The following ARHGEF10 variants were observed in gnomAD, a reference collection of about 807,000 sequenced individuals.
ARHGEF10 encodes Rho guanine nucleotide exchange factor 10, also known as Rho guanine nucleotide exchange factor (GEF) 10.
In ARHGEF10, 140 loss-of-function variants were observed where a neutral mutation model predicts 147.4. The observed-to-expected ratio is 0.95, with a 90% CI of 0.83 to 1.09. ARHGEF10 has a LOEUF of 1.09. ARHGEF10 is among the 50% of genes least tolerant of loss of function. The probability of loss-of-function intolerance (pLI) is 0.00; values close to 1 mark genes in which losing one functional copy is unlikely to be tolerated. For synonymous variants in ARHGEF10, 902 were observed against 695.8 expected (o/e 1.30, Z -4.67); for missense variants, 2,222 against 1,752.7 (o/e 1.27, Z -4.78).
In ARHGEF10 at chr8:1,956,756, C is replaced by T. The variant is rs1815599024; in HGVS notation, c.3528C>T (p.Gly1176=). Reference sequence around the variant, plus strand: ...AACTGTTTCCCTTTTCAGGAAGAGGCATGGTCTCCTACCATGCACACAACA... The same window carrying T: ...AACTGTTTCCCTTTTCAGGAAGAGGTATGGTCTCCTACCATGCACACAACA... The part of the protein sequence containing the change: ...LQGIPKVTGR[G]MVSYHAHNSP... Residue 1176 remains glycine, a synonymous_variant, in exon 29 of 29, where the codon GGC becomes GGT. Coordinates refer to ENST00000349830, the MANE Select transcript of ARHGEF10 (RefSeq NM_014629.4). 3 of 1,613,878 alleles carry T rather than the reference C, an allele frequency of 1.9e-6. No homozygotes were observed. Among genetic ancestry groups the T allele is most frequent in the Non-Finnish European group, 2.5e-6 (3 of 1,179,974 alleles).
chr8:1,868,509 G>A (rs888894434), intron 6 of ARHGEF10, among the ~76,000 whole-genome samples: 2 of 152,232 alleles, frequency 1.3e-5, no homozygotes, highest in African/African-American at 4.8e-5. Flanking sequence ...TTGGTGTCCT[G>A]TGTGGTCATC....
intron 2 of ARHGEF10, 64 bp downstream of exon 2, chr8:1,843,500 G>C: frequency 3.2e-6 from 4 of 1,256,252 alleles, no homozygotes; most frequent in Non-Finnish European, 4.6e-6. Flanking sequence ...CAAGGACGGG[G>C]TACTTCTGGA....
chr8:1,869,070 A>AG, intron 6 of ARHGEF10, 124 bp from the exon 7 acceptor site: 1 of 865,278 alleles, frequency 1.2e-6, no homozygotes, highest in Admixed American at 2.0e-5. Context: ...TAAAAAAAAA[A>AG]CTACCCTTAT....
At chr8:1,909,158 C>T (rs1344977037) in intron 17 of ARHGEF10, 137 bp from the exon 18 acceptor site, 45 of 1,280,876 alleles carry the variant, frequency 3.5e-5, no homozygotes, top group Non-Finnish European at 4.9e-5. Context: ...GTCAGAAGCA[C>T]AATTACTATT....
intron 23 of ARHGEF10, chr8:1,927,223 T>A (rs140278070): frequency 6.5e-6 from 1 of 153,152 alleles, no homozygotes; most frequent in East Asian, 1.9e-4. Flanking sequence ...CTAAGAGAAC[T>A]GTTTTCCGTC....
At chr8:1,892,071 G>A (rs1809574471) in intron 11 of ARHGEF10, among the ~76,000 whole-genome samples, 1 of 150,782 alleles carries the variant, frequency 6.6e-6, no homozygotes. Context: ...ACATTTTTAT[G>A]TTTGACCCCC....
intron 1 of ARHGEF10, among the ~76,000 whole-genome samples, chr8:1,835,609 C>T (rs1274122014): frequency 6.6e-6 from 1 of 152,216 alleles, no homozygotes; most frequent in South Asian, 2.1e-4. Flanking sequence ...CCTGGGTCTT[C>T]GGCCAGCGTC....
At chr8:1,870,190 A>G (rs1806987499) in intron 7 of ARHGEF10, 1 of 149,176 alleles carries the variant, frequency 6.7e-6, no homozygotes, top group South Asian at 2.1e-4. Flanking sequence ...TGTGTTCTGA[A>G]GTTCTGAAGT....
chr8:1,835,436 C>T (rs1013769188), intron 1 of ARHGEF10, among the ~76,000 whole-genome samples: 3 of 152,100 alleles, frequency 2.0e-5, no homozygotes, highest in Non-Finnish European at 2.9e-5. Context: ...TGCAGACAGG[C>T]TCCCGGCACA....
At chr8:1,842,672 A>T (rs1321671282) in intron 1 of ARHGEF10, among the ~76,000 whole-genome samples, 1 of 152,220 alleles carries the variant, frequency 6.6e-6, no homozygotes, top group Admixed American at 6.5e-5. Flanking sequence ...TTCACCCTGG[A>T]TGGCTCTGGC....
At position 1,896,648 on chromosome 8, in the gene ARHGEF10, T is replaced by G. The variant is rs536838887; in HGVS notation, c.1557+199T>G. Reference sequence around the variant, plus strand: ...GAAAACAATTTTATTTGCACCTTCTTAAAAGTGTATCAGCAGACAGACAGA... The same window carrying G: ...GAAAACAATTTTATTTGCACCTTCTGAAAAGTGTATCAGCAGACAGACAGA... On this transcript the variant is annotated intron_variant, in intron 14 of 28. Transcript: ENST00000349830. Among the ~76,000 whole-genome samples, 8 of 152,320 alleles carry G rather than the reference T, an allele frequency of 5.3e-5. 1 individual carries two copies. Among genetic ancestry groups the G allele is most frequent in the Admixed American group, 2.6e-4 (4 of 15,308 alleles).
rs758879429 is a variant in ARHGEF10 at position 1,945,651 on chromosome 8, G to T, written c.3393G>T (p.Leu1131=). ...INIATPVHNM[L]PGHQRLSVTS... ...TCGCCACCCCTGTTCACAACATGCT[G>T]CCAGGTAAGGGGACGGGACGGGGCC... The change falls in exon 27 of 29, where the codon CTG becomes CTT. Residue 1131 remains leucine, a synonymous_variant. Coordinates refer to ENST00000349830, the MANE Select transcript of ARHGEF10 (RefSeq NM_014629.4). The T allele has an allele frequency of 9.3e-6, 15 of 1,614,114 alleles. No homozygotes were observed. Among genetic ancestry groups the T allele is most frequent in the Non-Finnish European group, 1.3e-5 (15 of 1,180,026 alleles).
At chr8:1,930,660 G>A (rs555979093) in intron 25 of ARHGEF10, among the ~76,000 whole-genome samples, 2 of 152,220 alleles carry the variant, frequency 1.3e-5, no homozygotes, top group Non-Finnish European at 2.9e-5. Context: ...AGAAATCTGC[G>A]CCAGCCCCTC....
At chr8:1,856,827 A>G (rs557710260) in intron 2 of ARHGEF10, among the ~76,000 whole-genome samples, 1 of 152,298 alleles carries the variant, frequency 6.6e-6, no homozygotes, top group Admixed American at 6.5e-5. Flanking sequence ...AGGTTTCCTC[A>G]GGAACGTGTG....
chr8:1,888,898 T>TGAGGGTTTGTGAGGAGACCCTGAGTG (rs1809090717), intron 11 of ARHGEF10, among the ~76,000 whole-genome samples: 1 of 62,550 alleles, frequency 1.6e-5, no homozygotes, highest in African/African-American at 8.0e-5. Context: ...GACACTGAGT[T>TGAGGGTTTGTGAGGAGACCCTGAGTG]GGGTGAGGGT....
At chr8:1,825,556 A>G (rs1490132459) in intron 1 of ARHGEF10, among the ~76,000 whole-genome samples, 1 of 149,908 alleles carries the variant, frequency 6.7e-6, no homozygotes, top group Non-Finnish European at 1.5e-5. Flanking sequence ...CAAGAAGCCA[A>G]GGTAGATTCT....
chr8:1,918,832 T>A (rs1051084656), intron 18 of ARHGEF10, among the ~76,000 whole-genome samples: 1 of 152,176 alleles, frequency 6.6e-6, no homozygotes, highest in Non-Finnish European at 1.5e-5. Context: ...GTGATGGAGC[T>A]GTTCTGTGGG....
intron 15 of ARHGEF10, among the ~76,000 whole-genome samples, chr8:1,899,490 A>C (rs895239018): frequency 6.6e-6 from 1 of 152,208 alleles, no homozygotes; most frequent in Non-Finnish European, 1.5e-5. Context: ...GTCCCCTTCC[A>C]TTGAGGTTAT....
intron 27 of ARHGEF10, among the ~76,000 whole-genome samples, chr8:1,950,736 T>A: frequency 6.8e-6 from 1 of 146,060 alleles, no homozygotes; most frequent in Admixed American, 6.8e-5. Context: ...TTAGGTTTTT[T>A]TTTTTTTTTT....
Sources: gnomAD v4.1 joint callset for allele counts (sites outside exome capture counted in the v4.1 genomes callset) on GRCh38, gnomAD v4.1.1 for gene constraint, MANE v1.5 for transcripts, NCBI Gene and HGNC (gene_info 2026-07-23, HGNC 2026-07-21) for gene names.